The following YWHAG variants were observed in gnomAD, a reference collection of about 807,000 sequenced individuals.
The protein encoded by YWHAG is tyrosine 3-monooxygenase/tryptophan 5-monooxygenase activation protein gamma, also known as 14-3-3 protein gamma.
A neutral mutation model predicts 23.3 loss-of-function variants in YWHAG; 1 was observed. The observed-to-expected ratio is 0.04, with a 90% CI of 0.02 to 0.20. YWHAG has a LOEUF of 0.20. Ranked by LOEUF, YWHAG falls within the 10% of genes least tolerant of loss-of-function variation. The pLI is 1.00. For missense variants in YWHAG, 151 were observed against 338.6 expected (o/e 0.45, Z 4.35); for synonymous variants, 160 against 144.0 (o/e 1.11, Z -0.80).
At chr7:76,353,175 A>G (rs1390048680) in intron 1 of YWHAG, among the ~76,000 whole-genome samples, 3 of 152,176 alleles carry the variant, frequency 2.0e-5, no homozygotes, top group Non-Finnish European at 4.4e-5. Context: ...CCAATTATTT[A>G]TAACTATTTA....
intron 1 of YWHAG, among the ~76,000 whole-genome samples, chr7:76,351,027 T>A (rs139226370): frequency 3.3e-5 from 5 of 152,108 alleles, no homozygotes; most frequent in African/African-American, 9.7e-5. Flanking sequence ...TGACAGAATA[T>A]CATTGAAATG....
At chr7:76,347,067 C>T (rs1431794855) in intron 1 of YWHAG, among the ~76,000 whole-genome samples, 2 of 152,104 alleles carry the variant, frequency 1.3e-5, no homozygotes, top group Non-Finnish European at 2.9e-5. Flanking sequence ...AAAGACACTG[C>T]GCAGGCATCA....
rs968469035 is a variant in YWHAG at position 76,329,850 on chromosome 7, G to A, written c.471C>T (p.Ala157=). The A allele has an allele frequency of 6.2e-7, 1 of 1,613,880 alleles. No individual in the cohort carries two copies. Among genetic ancestry groups the A allele is most frequent in the Non-Finnish European group, 8.5e-7 (1 of 1,179,990 alleles). The change falls in exon 2 of 2, where the codon GCC becomes GCT. Residue 157 remains alanine (A), a synonymous_variant. Coordinates refer to ENST00000307630, the MANE Select transcript of YWHAG (RefSeq NM_012479.4). This position sits in a 1 kb window ranked among gnomAD's most constrained non-coding sequence, Gnocchi z 6.1. ...VESSEKAYSE[A]HEISKEHMQP... is the part of the protein sequence containing the mutation. ...GCATGTGCTCTTTGCTGATCTCGTG[G>A]GCTTCGCTGTAGGCCTTCTCGGAGG...
intron 1 of YWHAG, among the ~76,000 whole-genome samples, chr7:76,334,619 T>C (rs552016515): frequency 6.6e-6 from 1 of 152,224 alleles, no homozygotes; most frequent in East Asian, 1.9e-4. Context: ...TCACCCTATG[T>C]TGTCCAGGCT....
intron 1 of YWHAG, among the ~76,000 whole-genome samples, chr7:76,345,422 G>A (rs1382506736): frequency 6.6e-6 from 1 of 151,720 alleles, no homozygotes; most frequent in East Asian, 2.0e-4. Flanking sequence ...TCCTGACCTC[G>A]TGATCCACCC....
Position 76,358,608 on chromosome 7 carries a change from G to C in YWHAG, c.87+114C>G. On this transcript the variant is annotated intron_variant, in intron 1 of 1. Transcript: ENST00000307630. ...CTCCCCAGCCCCCCTCAGTGAGCGA[G>C]ACGGGGCGGTCAACCCGCCATCGCG... 6.5e-6 allele frequency: 7 copies of C among 1,082,582 alleles called. No individual in the cohort carries two copies. In the South Asian group the frequency reaches 1.2e-4, roughly 18 times the overall value. 67.1% of individuals were successfully genotyped at this position (1,082,582 alleles called of 1,614,324 possible).
At chr7:76,348,377 C>T (rs1803819054) in intron 1 of YWHAG, among the ~76,000 whole-genome samples, 1 of 151,084 alleles carries the variant, frequency 6.6e-6, no homozygotes, top group East Asian at 1.9e-4. Context: ...ATGCCTCAGC[C>T]TCCAAGCAGC....
In YWHAG at chr7:76,329,492, C is replaced by A; in HGVS notation, c.*85G>T. On this transcript the variant is annotated 3_prime_UTR_variant, in exon 2 of 2. Transcript: ENST00000307630. This position sits in a 1 kb window ranked among gnomAD's most constrained non-coding sequence, Gnocchi z 6.1. The stretch of plus-strand genomic sequence containing the variant: ...CTGGGAAGGTCATCCCTCCCTTTCC[C>A]TCCCCCACCCGACCCCCAACTCATG... 1.1e-5 allele frequency: 12 copies of A among 1,070,678 alleles called. No homozygotes were observed. Among genetic ancestry groups the A allele is most frequent in the Middle Eastern group, 3.5e-4 (1 of 2,828 alleles). 66.3% of individuals were successfully genotyped at this position (1,070,678 alleles called of 1,614,324 possible).
intron 1 of YWHAG, among the ~76,000 whole-genome samples, chr7:76,355,441 T>G (rs959763358): frequency 3.9e-5 from 6 of 152,184 alleles, no homozygotes; most frequent in Non-Finnish European, 8.8e-5. Context: ...GCACTTAATA[T>G]CTGCTTCAGT....
chr7:76,353,905 C>CA (rs1186071838), intron 1 of YWHAG, among the ~76,000 whole-genome samples: 2 of 151,540 alleles, frequency 1.3e-5, no homozygotes, highest in African/African-American at 2.4e-5. Context: ...CCCGTTCCTA[C>CA]AAAAAACGGT....
chr7:76,341,806 T>A (rs1258928650), intron 1 of YWHAG, among the ~76,000 whole-genome samples: 3 of 152,182 alleles, frequency 2.0e-5, no homozygotes, highest in Non-Finnish European at 2.9e-5. Flanking sequence ...TTCTAGAATG[T>A]GGTGATGGTT....
rs547444143 is a variant in YWHAG at position 76,329,070 on chromosome 7, G to A, written c.*507C>T. On this transcript the variant is annotated 3_prime_UTR_variant, in exon 2 of 2. Coordinates refer to ENST00000307630, the MANE Select transcript of YWHAG (RefSeq NM_012479.4). This position sits in a 1 kb window ranked among gnomAD's most constrained non-coding sequence, Gnocchi z 6.1. ...AGGCCTAAACCATAAGGATGAATGA[G>A]ACCTCAGGTTCTAAGTCTGTCAGTC... is the stretch of plus-strand genomic sequence containing the variant. 2.1e-5 allele frequency: 3 copies of A among 146,228 alleles called. No homozygotes were observed. The highest frequency in any genetic ancestry group is 7.9e-5 in the African/African-American group (3 of 37,848). 9.1% of individuals were successfully genotyped at this position (146,228 alleles called of 1,614,324 possible). A position where few individuals can be genotyped will look rare whatever the true frequency, so the allele number is the denominator to read the frequency against.
intron 1 of YWHAG, among the ~76,000 whole-genome samples, chr7:76,352,670 GAC>G: frequency 6.7e-6 from 1 of 149,052 alleles, no homozygotes; most frequent in South Asian, 2.1e-4. Flanking sequence ...TTTTTTTAGA[GAC>G]AGAGTCTCAC....
chr7:76,329,763 G>T lies in YWHAG; in HGVS notation c.558C>A (p.Ile186=), dbSNP rs201719064. The T allele has an allele frequency of 1.2e-6, 2 of 1,614,086 alleles. No individual in the cohort carries two copies. Among genetic ancestry groups the T allele is most frequent in the Non-Finnish European group, 1.7e-6 (2 of 1,180,024 alleles). ...ALNYSVFYYE[I]QNAPEQACHL... is the part of the protein sequence containing the mutation. ...GGCACGCTTGCTCTGGGGCGTTCTG[G>T]ATCTCATAGTAGAAGACGGAGTAGT... Residue 186 remains isoleucine (I), a synonymous_variant, in exon 2 of 2, where the codon ATC becomes ATA. Transcript: ENST00000307630. The surrounding 1 kb of genome is among the most constrained non-coding windows in gnomAD (Gnocchi z 6.1).
chr7:76,349,344 A>AT (rs2115642028), intron 1 of YWHAG, among the ~76,000 whole-genome samples: 1 of 151,796 alleles, frequency 6.6e-6, no homozygotes, highest in South Asian at 2.1e-4. Flanking sequence ...TCTCAAAAAA[A>AT]AAAAAAAAAA....
intron 1 of YWHAG, among the ~76,000 whole-genome samples, chr7:76,335,398 T>C (rs1466850411): frequency 6.6e-6 from 1 of 152,196 alleles, no homozygotes; most frequent in Admixed American, 6.5e-5. Context: ...AAGATAGCTG[T>C]AGGTAAAATG....
intron 1 of YWHAG, among the ~76,000 whole-genome samples, chr7:76,357,878 G>A (rs1803984079): frequency 6.6e-6 from 1 of 152,082 alleles, no homozygotes; most frequent in African/African-American, 2.4e-5. Flanking sequence ...ACAGACGCGT[G>A]CCTGTATTCA....
At chr7:76,354,309 G>A (rs912867587) in intron 1 of YWHAG, among the ~76,000 whole-genome samples, 4 of 151,998 alleles carry the variant, frequency 2.6e-5, no homozygotes, top group Non-Finnish European at 5.9e-5. Flanking sequence ...TCAGGAGTTC[G>A]AGCTCAGCCT....
chr7:76,358,913 A>C lies in YWHAG; in HGVS notation c.-105T>G. On this transcript the variant is annotated 5_prime_UTR_variant, in exon 1 of 2. Coordinates refer to ENST00000307630, the MANE Select transcript of YWHAG (RefSeq NM_012479.4). ...CAAGTGCCGGAGAGGACCGACCCAC[A>C]GAGCGAGCAGCTGAGGCGGCGGCTG... 9.1e-7 allele frequency: 1 copy of C among 1,096,646 alleles called. No homozygotes were observed. The highest frequency in any genetic ancestry group is 3.1e-5 in the East Asian group (1 of 32,656). The allele number at this position is 1,096,646 out of a possible 1,614,324, so 67.9% of individuals were successfully genotyped here.
Sources: gnomAD v4.1 joint callset for allele counts (sites outside exome capture counted in the v4.1 genomes callset) on GRCh38, gnomAD v4.1.1 for gene constraint, Gnocchi (gnomAD v3.1) non-coding constraint, MANE v1.5 for transcripts, NCBI Gene and HGNC (gene_info 2026-07-23, HGNC 2026-07-21) for gene names.